The following RNF130 variants were observed in gnomAD, a reference collection of about 807,000 sequenced individuals.
The protein encoded by RNF130 is E3 ubiquitin-protein ligase RNF130.
RNF130 carries 21 observed loss-of-function variants against 44.6 expected under a neutral mutation model. The observed-to-expected ratio is 0.47, with a 90% CI of 0.33 to 0.68. The LOEUF (loss-of-function observed/expected upper bound fraction) is 0.68, where lower values mean the gene tolerates loss of function less well. RNF130 is among the 30% of genes least tolerant of loss of function. The pLI is 0.02. For missense variants in RNF130, 479 were observed against 560.6 expected, an observed-to-expected ratio of 0.85 and a Z score of 1.47; for synonymous variants, 214 against 210.4, an observed-to-expected ratio of 1.02 and a Z score of -0.15.
chr5:180,031,298 C>A (rs1764125751), intron 2 of RNF130, among the ~76,000 whole-genome samples: 1 of 152,122 alleles, frequency 6.6e-6, no homozygotes, highest in South Asian at 2.1e-4. Context: ...ACCAGCCCGG[C>A]CAGTATGGCG....
chr5:180,071,317 C>T (rs1765256120), intron 1 of RNF130, 139 bp downstream of exon 1: 1 of 802,604 alleles, frequency 1.2e-6, no homozygotes, highest in Middle Eastern at 4.2e-4. Context: ...CTGTCCACGA[C>T]GGAAGCCTCG....
intron 7 of RNF130, chr5:179,964,409 T>C (rs1467435532): frequency 6.6e-6 from 1 of 152,224 alleles, no homozygotes; most frequent in Non-Finnish European, 1.5e-5. Context: ...TAAAACAACC[T>C]AAGAACCAAT....
intron 3 of RNF130, among the ~76,000 whole-genome samples, chr5:179,999,579 G>A (rs779230233): frequency 7.2e-5 from 11 of 151,992 alleles, no homozygotes; most frequent in East Asian, 3.9e-4. Flanking sequence ...AAAATTAGCC[G>A]GGCTTGGTGG....
At chr5:179,920,767 G>T (rs1761617301) in intron 7 of RNF130, among the ~76,000 whole-genome samples, 1 of 140,008 alleles carries the variant, frequency 7.1e-6, no homozygotes, top group African/African-American at 2.7e-5. Context: ...CCTCTCATCT[G>T]GGCATATATA....
rs560219228 is a variant in RNF130 at position 179,942,623 on chromosome 5, TA to T, written c.1151-22198del. On this transcript the variant is annotated intron_variant, in intron 7 of 7. Transcript: ENST00000522208. ...CGGATGCAAAAAGAGAACAGAATTC[TA>T]TACAGCAAAGCCATTTAGGAGAAAA... Among the ~76,000 whole-genome samples, 52 of 152,330 alleles carry T rather than the reference TA, an allele frequency of 3.4e-4. 1 individual carries two copies. The East Asian group carries it at 9.8e-3, about 29-fold the overall frequency.
intron 1 of RNF130, among the ~76,000 whole-genome samples, chr5:180,051,070 TG>T (rs2113159243): frequency 6.6e-6 from 1 of 152,270 alleles, no homozygotes; most frequent in African/African-American, 2.4e-5. Flanking sequence ...CCCAAACTGC[TG>T]GGATTACAGG....
intron 2 of RNF130, among the ~76,000 whole-genome samples, chr5:180,029,697 G>A (rs1330921411): frequency 1.3e-5 from 2 of 151,998 alleles, no homozygotes; most frequent in Admixed American, 1.3e-4. Flanking sequence ...GTGCTACCAC[G>A]CCCAGCTCAT....
At chr5:179,926,703 G>A (rs1300616714) in intron 7 of RNF130, among the ~76,000 whole-genome samples, 1 of 152,142 alleles carries the variant, frequency 6.6e-6, no homozygotes, top group Non-Finnish European at 1.5e-5. Flanking sequence ...AGCTGCTGTA[G>A]CAAATTAACC....
intron 1 of RNF130, among the ~76,000 whole-genome samples, chr5:180,055,248 CAAAAAAAAAAAAAAAAA>C (rs1205914690): frequency 4.8e-5 from 1 of 20,980 alleles, no homozygotes; most frequent in Non-Finnish European, 7.3e-5. Flanking sequence ...GGTTCTGTCT[CAAAAAAAAAAAAAAAAA>C]AAAAAAAAAA....
intron 3 of RNF130, among the ~76,000 whole-genome samples, chr5:180,000,804 C>T (rs1763316748): frequency 6.6e-6 from 1 of 152,166 alleles, no homozygotes; most frequent in Non-Finnish European, 1.5e-5. Context: ...TGATTGTCTA[C>T]ACGTTTTCTT....
intron 3 of RNF130, among the ~76,000 whole-genome samples, chr5:179,994,025 C>T (rs1363686834): frequency 6.6e-6 from 1 of 152,156 alleles, no homozygotes; most frequent in Non-Finnish European, 1.5e-5. Flanking sequence ...TGTCAAAGAT[C>T]CGATAGTTGT....
chr5:180,005,448 C>CA (rs1763445326), intron 3 of RNF130, among the ~76,000 whole-genome samples: 1 of 152,070 alleles, frequency 6.6e-6, no homozygotes, highest in South Asian at 2.1e-4. Context: ...ACAACAACAA[C>CA]ACCAACAGAA....
chr5:179,974,924 A>G (rs1164571662), intron 5 of RNF130, among the ~76,000 whole-genome samples: 1 of 152,206 alleles, frequency 6.6e-6, no homozygotes, highest in Non-Finnish European at 1.5e-5. Context: ...AATTAAACCC[A>G]TTGCTTCCTC....
At chr5:180,021,895 C>T (rs1041884592) in intron 2 of RNF130, among the ~76,000 whole-genome samples, 2 of 152,276 alleles carry the variant, frequency 1.3e-5, no homozygotes, top group Admixed American at 6.5e-5. Flanking sequence ...AGCCCAGGTC[C>T]GAGTCACATG....
At chr5:179,978,395 T>G in intron 4 of RNF130, 110 bp from the exon 5 acceptor site, 1 of 720,820 alleles carries the variant, frequency 1.4e-6, no homozygotes, top group Non-Finnish European at 2.4e-6. Flanking sequence ...GCAAGTGTTA[T>G]AAACTGAAAA....
intron 1 of RNF130, among the ~76,000 whole-genome samples, chr5:180,067,615 G>A (rs1037583030): frequency 1.3e-5 from 2 of 152,178 alleles, no homozygotes; most frequent in South Asian, 2.1e-4. Flanking sequence ...CATGTCATAA[G>A]CTGTAAAGTT....
At chr5:179,966,710 T>C in intron 7 of RNF130, 96 bp downstream of exon 7, 1 of 1,039,400 alleles carries the variant, frequency 9.6e-7, no homozygotes. Flanking sequence ...ACAGTCTGTG[T>C]TGCAGGCTGA....
At chr5:179,980,055 G>A in intron 4 of RNF130, 74 bp downstream of exon 4, 3 of 1,188,990 alleles carry the variant, frequency 2.5e-6, no homozygotes, top group Non-Finnish European at 3.8e-6. Context: ...CAATTAGGGT[G>A]TGTCCTCTCC....
chr5:180,060,340 G>A (rs1302527187), intron 1 of RNF130, among the ~76,000 whole-genome samples: 7 of 152,216 alleles, frequency 4.6e-5, no homozygotes, highest in Admixed American at 3.9e-4. Flanking sequence ...TTTTCCTTCC[G>A]TGCAGTGGCT....
Sources: gnomAD v4.1 joint callset for allele counts (sites outside exome capture counted in the v4.1 genomes callset) on GRCh38, gnomAD v4.1.1 for gene constraint, MANE v1.5 for transcripts, NCBI Gene and HGNC (gene_info 2026-07-23, HGNC 2026-07-21) for gene names.